Variants in MPDZ observed in about 807,000 individuals in gnomAD.
MPDZ encodes the protein multiple PDZ domain protein.
Under a neutral mutation model 239.1 loss-of-function variants are expected in MPDZ, and 234 were observed. The observed-to-expected ratio is 0.98, with a 90% CI of 0.88 to 1.09. The LOEUF (loss-of-function observed/expected upper bound fraction) is 1.09, where lower values mean the gene tolerates loss of function less well. Among genes scored for constraint, MPDZ ranks in the 50% least tolerant of loss-of-function variants. The pLI is 0.00. For synonymous variants in MPDZ, 1,048 were observed against 881.3 expected (o/e 1.19, Z -3.35); for missense variants, 3,175 against 2,510.0 (o/e 1.26, Z -5.66).
At chr9:13,152,844 C>T (rs931040269) in intron 24 of MPDZ, among the ~76,000 whole-genome samples, 6 of 151,954 alleles carry the variant, frequency 3.9e-5, no homozygotes, top group African/African-American at 7.3e-5. Context: ...TAGCTGTAAG[C>T]GCTATGAGTA....
intron 3 of MPDZ, among the ~76,000 whole-genome samples, chr9:13,240,106 TAAAC>T (rs1264368555): frequency 2.0e-5 from 3 of 152,096 alleles, no homozygotes; most frequent in Non-Finnish European, 4.4e-5. Context: ...ACTGAAAATT[TAAAC>T]AAACAACATG....
Position 13,247,803 on chromosome 9 carries a change from T to A in MPDZ, c.17-2A>T. ...CTGCATGCAGGGCCCGATTTTTGTC[T>A]ATACCAAAGAGCAGCATTTGTCAAT... On this transcript the variant is annotated splice_acceptor_variant, in intron 2 of 46. Coordinates refer to ENST00000319217, the MANE Select transcript of MPDZ (RefSeq NM_001378778.1). LOFTEE classifies it high-confidence loss of function. 1 of 1,595,540 alleles carries A rather than the reference T, an allele frequency of 6.3e-7. No homozygotes were observed. The highest frequency in any genetic ancestry group is 8.6e-7 in the Non-Finnish European group (1 of 1,165,456).
rs1337568276 is a variant in MPDZ, at chr9:13,183,499, T to C, written c.2568A>G (p.Gln856=). Residue 856 remains glutamine (Q), a synonymous_variant, in exon 19 of 47, where the codon CAA becomes CAG. Coordinates refer to ENST00000319217, the MANE Select transcript of MPDZ (RefSeq NM_001378778.1). ...TGCCATGAAGAGATAAAATAGAGGC[T>C]TGAGTAGAGTAGATGCTGTCATTTT... ...SPENDSIYST[Q]ASILSLHGSS... 6 of 1,612,450 alleles carry C rather than the reference T, an allele frequency of 3.7e-6. No homozygotes were observed. In the East Asian group the frequency reaches 1.1e-4, roughly 30 times the overall value.
chr9:13,110,196 A>G, intron 44 of MPDZ, 132 bp from the exon 45 acceptor site: 1 of 670,934 alleles, frequency 1.5e-6, no homozygotes, highest in Non-Finnish European at 2.5e-6. Flanking sequence ...GTTAACATAA[A>G]ATACAACCAA....
intron 46 of MPDZ, among the ~76,000 whole-genome samples, chr9:13,108,175 G>T (rs11999713): frequency 2.0e-5 from 3 of 151,968 alleles, no homozygotes; most frequent in African/African-American, 7.3e-5. Flanking sequence ...TTTTGACACT[G>T]TAAAATTTTG....
chr9:13,149,790 C>T (rs1277610957), intron 25 of MPDZ, among the ~76,000 whole-genome samples: 3 of 152,042 alleles, frequency 2.0e-5, no homozygotes, highest in South Asian at 2.1e-4. Context: ...ACTTGACATG[C>T]TTCTAACACA....
intron 10 of MPDZ, among the ~76,000 whole-genome samples, chr9:13,211,146 A>T (rs1256302014): frequency 6.6e-6 from 1 of 152,012 alleles, no homozygotes; most frequent in African/African-American, 2.4e-5. Flanking sequence ...GTATGGGAAA[A>T]ATTTTATTAC....
At chr9:13,108,477 A>G (rs1345689440) in intron 46 of MPDZ, among the ~76,000 whole-genome samples, 2 of 152,074 alleles carry the variant, frequency 1.3e-5, no homozygotes, top group Non-Finnish European at 1.5e-5. Flanking sequence ...GTTTTATTCA[A>G]TGAAATTAAA....
At position 13,217,333 on chromosome 9, in the gene MPDZ, T is replaced by TA. The variant is rs564713062; in HGVS notation, c.1087-40dup. 1.8e-4 allele frequency: 238 copies of TA among 1,313,014 alleles called. 1 individual carries two copies. The highest frequency in any genetic ancestry group is 4.1e-4 in the South Asian group (29 of 71,004). 81.3% of individuals were successfully genotyped at this position (1,313,014 alleles called of 1,614,324 possible). A position where few individuals can be genotyped will look rare whatever the true frequency, so the allele number is the denominator to read the frequency against. ...AATAAATATACAGTGAAATAATACG[T>TA]AAAAAAAACAAAAAACAAAAAACAA... On this transcript the variant is annotated intron_variant, in intron 8 of 46. Transcript: ENST00000319217.
intron 25 of MPDZ, among the ~76,000 whole-genome samples, 189 bp downstream of exon 25, chr9:13,150,322 C>A (rs910363516): frequency 6.6e-6 from 1 of 151,966 alleles, no homozygotes; most frequent in African/African-American, 2.4e-5. Flanking sequence ...TCCACACACA[C>A]ATTTTACTCG....
At chr9:13,252,799 G>A (rs1968443739) in intron 1 of MPDZ, among the ~76,000 whole-genome samples, 1 of 151,978 alleles carries the variant, frequency 6.6e-6, no homozygotes, top group Non-Finnish European at 1.5e-5. Flanking sequence ...AGGAAGCCCA[G>A]GGCTACAAAA....
chr9:13,135,937 G>T, intron 31 of MPDZ, 155 bp downstream of exon 31: 2 of 535,300 alleles, frequency 3.7e-6, no homozygotes, highest in South Asian at 3.1e-5. Flanking sequence ...TTCCATGAGT[G>T]TCTTCTTATA....
intron 24 of MPDZ, 63 bp downstream of exon 24, chr9:13,157,955 C>T: frequency 7.1e-7 from 1 of 1,405,594 alleles, no homozygotes; most frequent in South Asian, 1.2e-5. Flanking sequence ...CTTGAAACCA[C>T]ACCTGCTTAT....
rs1172287952 is a variant in MPDZ at position 13,236,249 on chromosome 9, G to GTATATATATATA, written c.183+11374_183+11385dup. ...TGTATATGTATATGTGTGTGTGTGT[G>GTATATATATATA]TATATATATATATATATATTTTTTT... On this transcript the variant is annotated intron_variant, in intron 3 of 46. Coordinates refer to ENST00000319217, the MANE Select transcript of MPDZ (RefSeq NM_001378778.1). Among the ~76,000 whole-genome samples, 17 of 35,846 alleles carry GTATATATATATA rather than the reference G, an allele frequency of 4.7e-4. 1 individual carries two copies. Among genetic ancestry groups the GTATATATATATA allele is most frequent in the African/African-American group, 1.8e-3 (15 of 8,552 alleles). The allele number at this position is 35,846 out of a possible 152,430, so 23.5% of individuals were successfully genotyped here.
At chr9:13,259,235 G>A (rs942177742) in intron 1 of MPDZ, among the ~76,000 whole-genome samples, 4 of 148,900 alleles carry the variant, frequency 2.7e-5, no homozygotes, top group East Asian at 2.1e-4. Context: ...TATAGCCTCC[G>A]CCTCCTGGGT....
intron 32 of MPDZ, among the ~76,000 whole-genome samples, chr9:13,131,048 G>A (rs1229357024): frequency 6.6e-6 from 1 of 152,110 alleles, no homozygotes; most frequent in Non-Finnish European, 1.5e-5. Flanking sequence ...ATGAACAAAT[G>A]TTACATTACC....
At chr9:13,161,000 A>G (rs908612492) in intron 23 of MPDZ, among the ~76,000 whole-genome samples, 2 of 151,374 alleles carry the variant, frequency 1.3e-5, no homozygotes, top group African/African-American at 4.9e-5. Context: ...GGGATTGAGC[A>G]TCTGTGGATT....
intron 13 of MPDZ, among the ~76,000 whole-genome samples, chr9:13,193,572 A>T (rs1393063539): frequency 6.6e-6 from 1 of 152,164 alleles, no homozygotes; most frequent in African/African-American, 2.4e-5. Context: ...TTTCTCATAA[A>T]TAGGTACAAT....
intron 13 of MPDZ, among the ~76,000 whole-genome samples, chr9:13,195,142 G>C (rs1955481002): frequency 6.6e-6 from 1 of 152,056 alleles, no homozygotes; most frequent in Non-Finnish European, 1.5e-5. Context: ...ACAAAAATCA[G>C]TTGGGCGTGG....
Sources: allele counts gnomAD v4.1 joint callset (sites outside exome capture counted in the v4.1 genomes callset), GRCh38; gene constraint gnomAD v4.1.1; transcripts MANE v1.5; gene names NCBI Gene and HGNC (gene_info 2026-07-23, HGNC 2026-07-21).